Variants in ZNRF3 observed in about 807,000 individuals in gnomAD.
The protein encoded by ZNRF3 is E3 ubiquitin-protein ligase ZNRF3.
Under a neutral mutation model 72.5 loss-of-function variants are expected in ZNRF3, and 23 were observed. That is an observed-to-expected ratio of 0.32 (90% confidence interval 0.23 to 0.45). ZNRF3 has a LOEUF of 0.45. Among genes scored for constraint, ZNRF3 ranks in the 20% least tolerant of loss-of-function variants. The pLI is 1.00. For missense variants in ZNRF3, 1,169 were observed against 1,272.1 expected (o/e 0.92, Z 1.23); for synonymous variants, 610 against 545.3 (o/e 1.12, Z -1.65).
At chr22:28,905,634 T>A (rs934932954) in intron 1 of ZNRF3, among the ~76,000 whole-genome samples, 4 of 152,208 alleles carry the variant, frequency 2.6e-5, no homozygotes, top group Admixed American at 6.5e-5. Context: ...TCCAAATTAC[T>A]GAATTCTCAG....
At chr22:29,042,931 C>A (rs895149037) in intron 3 of ZNRF3, among the ~76,000 whole-genome samples, 3 of 152,136 alleles carry the variant, frequency 2.0e-5, no homozygotes, top group Non-Finnish European at 4.4e-5. Context: ...CGAGCCACCA[C>A]GCCTGGCTAA....
chr22:29,042,862 C>T (rs2036992240), intron 3 of ZNRF3, among the ~76,000 whole-genome samples: 1 of 151,856 alleles, frequency 6.6e-6, no homozygotes, highest in Non-Finnish European at 1.5e-5. Flanking sequence ...GCAATCTCCA[C>T]CTCCCGGGTT....
chr22:28,997,421 G>A (rs372358147), intron 2 of ZNRF3, among the ~76,000 whole-genome samples: 1 of 151,668 alleles, frequency 6.6e-6, no homozygotes, highest in East Asian at 1.9e-4. Flanking sequence ...TGGGAGTGGG[G>A]GTGCTTACTG....
chr22:28,884,456 A>G (rs2033733335), intron 1 of ZNRF3, among the ~76,000 whole-genome samples: 1 of 152,234 alleles, frequency 6.6e-6, no homozygotes, highest in Non-Finnish European at 1.5e-5. Context: ...TTCAGGTTGC[A>G]GGCTTTGCTT....
At chr22:28,919,166 G>T (rs2034465556) in intron 1 of ZNRF3, among the ~76,000 whole-genome samples, 1 of 152,210 alleles carries the variant, frequency 6.6e-6, no homozygotes, top group Admixed American at 6.5e-5. Context: ...TCTCCCCACA[G>T]AGGGGACCAC....
rs527311226 is a variant in ZNRF3, at chr22:28,898,289, A to G, written c.300+14223A>G. ...AGGGAGAATTTTCTGTGATTGTCGC[A>G]ACTATTTGCAAGCAGCTTTCAGACA... On this transcript the variant is annotated intron_variant, in intron 1 of 8. Transcript: ENST00000544604. Among the ~76,000 whole-genome samples, 111 of 152,330 alleles carry G rather than the reference A, an allele frequency of 7.3e-4. No individual in the cohort carries two copies. In the East Asian group the frequency reaches 0.012, roughly 16 times the overall value.
intron 1 of ZNRF3, among the ~76,000 whole-genome samples, chr22:28,899,498 G>A (rs1307826108): frequency 6.6e-6 from 1 of 152,124 alleles, no homozygotes. Context: ...TGGGGCATTG[G>A]TTGCCATACC....
rs764582005 is a variant in ZNRF3 at position 28,946,145 on chromosome 22, C to T, written c.301-40931C>T. ...TTTGAGGATCTGGTCCCAAGCATTT[C>T]GGATAAGGGACACCCCAGCCTGTAG... On this transcript the variant is annotated intron_variant, in intron 1 of 8. Coordinates refer to ENST00000544604, the MANE Select transcript of ZNRF3 (RefSeq NM_001206998.2). Among the ~76,000 whole-genome samples, 5 of 152,134 alleles carry T rather than the reference C, an allele frequency of 3.3e-5. No individual in the cohort carries two copies. The East Asian group carries it at 5.8e-4, about 18-fold the overall frequency.
intron 1 of ZNRF3, among the ~76,000 whole-genome samples, chr22:28,917,177 C>T (rs2034421303): frequency 6.6e-6 from 1 of 152,056 alleles, no homozygotes; most frequent in African/African-American, 2.4e-5. Context: ...CAGGTCCTCA[C>T]CTGGCACTCC....
At chr22:29,020,760 T>TG (rs1569284100) in intron 2 of ZNRF3, among the ~76,000 whole-genome samples, 643 of 53,934 alleles carry the variant, frequency 0.012, 8 homozygotes, top group African/African-American at 0.025. Flanking sequence ...AGGGGCTTTG[T>TG]TTTTGTGTGT....
At chr22:28,969,792 G>A (rs1474681574) in intron 1 of ZNRF3, among the ~76,000 whole-genome samples, 1 of 152,170 alleles carries the variant, frequency 6.6e-6, no homozygotes, top group African/African-American at 2.4e-5. Flanking sequence ...GTCAGGGAGT[G>A]GAAGAGTTGA....
intron 2 of ZNRF3, among the ~76,000 whole-genome samples, chr22:29,041,711 G>A (rs2036965491): frequency 6.6e-6 from 1 of 152,122 alleles, no homozygotes; most frequent in South Asian, 2.1e-4. Context: ...GCCAGGTCTG[G>A]CAGCCAACTG....
At chr22:28,967,992 A>T (rs1601611996) in intron 1 of ZNRF3, among the ~76,000 whole-genome samples, 1 of 151,260 alleles carries the variant, frequency 6.6e-6, no homozygotes, top group Non-Finnish European at 1.5e-5. Context: ...TCTGTTTTTG[A>T]TCTGAAAACT....
chr22:29,020,776 G>GGTGTGTGT (rs3037492), intron 2 of ZNRF3, among the ~76,000 whole-genome samples: 56 of 86,150 alleles, frequency 6.5e-4, no homozygotes, highest in Admixed American at 4.4e-3. Flanking sequence ...TGTGTGTGTG[G>GGTGTGTGT]GTGTGTGTGT....
At position 28,944,959 on chromosome 22, in the gene ZNRF3, A is replaced by AAATAAATAAATAAAT. The variant is rs1376464189; in HGVS notation, c.301-42112_301-42111insATAAATAAATAATAA. Among the ~76,000 whole-genome samples, 5 of 133,002 alleles carry AAATAAATAAATAAAT rather than the reference A, an allele frequency of 3.8e-5. No homozygotes were observed. The East Asian group carries it at 8.4e-4, about 22-fold the overall frequency. 87.3% of individuals were successfully genotyped at this position (133,002 alleles called of 152,430 possible). A position where few individuals can be genotyped will look rare whatever the true frequency, so the allele number is the denominator to read the frequency against. Reference sequence around the variant, plus strand: ...TAAATAAATAAATAAATAAATAAATAAATAATAATAATACTCATACTCCTT... The same window carrying AAATAAATAAATAAAT: ...TAAATAAATAAATAAATAAATAAATAAATAAATAAATAAATAATAATAATAATACTCATACTCCTT... On this transcript the variant is annotated intron_variant, in intron 1 of 8. Coordinates refer to ENST00000544604, the MANE Select transcript of ZNRF3 (RefSeq NM_001206998.2).
chr22:29,009,699 A>G (rs775979922), intron 2 of ZNRF3, among the ~76,000 whole-genome samples: 19 of 152,216 alleles, frequency 1.2e-4, no homozygotes, highest in Non-Finnish European at 2.5e-4. Context: ...TACCCAGGAA[A>G]CATAAAAAAA....
At chr22:29,031,762 A>AG in intron 2 of ZNRF3, 1 of 323,742 alleles carries the variant, frequency 3.1e-6, no homozygotes, top group Non-Finnish European at 4.4e-6. Context: ...GCCAGTCCCT[A>AG]GGACCGGCTG....
intron 6 of ZNRF3, 148 bp downstream of exon 6, chr22:29,047,031 A>G (rs1052215320): frequency 1.3e-6 from 1 of 756,816 alleles, no homozygotes; most frequent in South Asian, 4.4e-5. Context: ...ACTTGACTTG[A>G]TACTTAGCTG....
chr22:28,941,200 AAG>A (rs1344916510), intron 1 of ZNRF3, among the ~76,000 whole-genome samples: 1 of 152,212 alleles, frequency 6.6e-6, no homozygotes, highest in Non-Finnish European at 1.5e-5. Context: ...GAGGGAAATC[AAG>A]AGTCCTTTGC....
Sources: gnomAD v4.1 joint callset for allele counts (sites outside exome capture counted in the v4.1 genomes callset) on GRCh38, gnomAD v4.1.1 for gene constraint, MANE v1.5 for transcripts, NCBI Gene and HGNC (gene_info 2026-07-23, HGNC 2026-07-21) for gene names.